The following ADAMTS3 variants were observed in gnomAD, a reference collection of about 807,000 sequenced individuals.
The protein encoded by ADAMTS3 is ADAM metallopeptidase with thrombospondin type 1 motif 3.
A neutral mutation model predicts 129.0 loss-of-function variants in ADAMTS3; 73 were observed. The observed-to-expected ratio is 0.57, with a 90% confidence interval of 0.47 to 0.69. The LOEUF is 0.69. Among genes scored for constraint, ADAMTS3 ranks in the 30% least tolerant of loss-of-function variants. The probability of loss-of-function intolerance (pLI) is 0.00; values close to 1 mark genes in which losing one functional copy is unlikely to be tolerated. For synonymous variants in ADAMTS3, 477 were observed against 510.8 expected, an observed-to-expected ratio of 0.93 and a Z score of 0.89; for missense variants, 1,457 against 1,514.5, an observed-to-expected ratio of 0.96 and a Z score of 0.63.
intron 14 of ADAMTS3, among the ~76,000 whole-genome samples, chr4:72,310,329 A>T (rs1241922654): frequency 6.6e-6 from 1 of 152,070 alleles, no homozygotes; most frequent in Non-Finnish European, 1.5e-5. Context: ...TAAAGACAAC[A>T]CATACGTTTA....
intron 5 of ADAMTS3, among the ~76,000 whole-genome samples, chr4:72,327,955 G>C (rs1417825872): frequency 6.6e-6 from 1 of 152,162 alleles, no homozygotes; most frequent in East Asian, 1.9e-4. Context: ...AGAGGAGCTA[G>C]AGAAGAAAAA....
chr4:72,551,459 C>T (rs1055758589), intron 2 of ADAMTS3, among the ~76,000 whole-genome samples: 8 of 152,124 alleles, frequency 5.3e-5, no homozygotes, highest in South Asian at 2.1e-4. Context: ...AATAATAAAT[C>T]ATTCCTAAAA....
chr4:72,336,224 A>C (rs1719984433), intron 5 of ADAMTS3, among the ~76,000 whole-genome samples: 1 of 152,194 alleles, frequency 6.6e-6, no homozygotes, highest in Non-Finnish European at 1.5e-5. Flanking sequence ...CACACTAATC[A>C]ATGCAAAAAG....
At chr4:72,287,509 G>A (rs1383553095) in intron 21 of ADAMTS3, among the ~76,000 whole-genome samples, 1 of 151,238 alleles carries the variant, frequency 6.6e-6, no homozygotes, top group African/African-American at 2.4e-5. Flanking sequence ...GGAAAGAGGG[G>A]AAAGAGAGAG....
At chr4:72,360,677 A>G (rs1490991895) in intron 4 of ADAMTS3, among the ~76,000 whole-genome samples, 1 of 152,014 alleles carries the variant, frequency 6.6e-6, no homozygotes, top group Non-Finnish European at 1.5e-5. Context: ...GCTTATTGGC[A>G]TTGACTTTCA....
intron 3 of ADAMTS3, among the ~76,000 whole-genome samples, chr4:72,499,165 A>T (rs1210576698): frequency 6.6e-6 from 1 of 152,186 alleles, no homozygotes; most frequent in East Asian, 1.9e-4. Flanking sequence ...GTCTGTAAAC[A>T]AATTCAGAAG....
intron 3 of ADAMTS3, among the ~76,000 whole-genome samples, chr4:72,535,691 C>T (rs1001491914): frequency 2.0e-5 from 3 of 151,972 alleles, no homozygotes; most frequent in African/African-American, 7.2e-5. Flanking sequence ...CACAGAGGGG[C>T]AGAAAACACC....
Position 72,550,037 on chromosome 4 carries a change from GAAGAA to G in ADAMTS3, c.98-1158_98-1154del, listed in dbSNP as rs1560564060. On this transcript the variant is annotated intron_variant, in intron 2 of 21. Coordinates refer to ENST00000286657, the MANE Select transcript of ADAMTS3 (RefSeq NM_014243.3). Reference sequence around the variant, plus strand: ...AGAAGAAGAAGAAGAAGAAGAAGAAGAAGAAGAGGAAGAGGAAGAGGAAGAGGAAG... The same window carrying G: ...AGAAGAAGAAGAAGAAGAAGAAGAAGGAGGAAGAGGAAGAGGAAGAGGAAG... Among the ~76,000 whole-genome samples the G allele has an allele frequency of 1.1e-3, 9 of 7,828 alleles. 1 individual carries two copies. The highest frequency in any genetic ancestry group is 4.1e-3 in the South Asian group (1 of 244). The allele number at this position is 7,828 out of a possible 152,430, so 5.1% of individuals were successfully genotyped here. A position where few individuals can be genotyped will look rare whatever the true frequency, so the allele number is the denominator to read the frequency against.
intron 4 of ADAMTS3, among the ~76,000 whole-genome samples, chr4:72,389,908 TTCTAATGATAAGGAGAGAGAG>T (rs1392684775): frequency 3.9e-5 from 3 of 76,716 alleles, no homozygotes; most frequent in East Asian, 3.0e-4. Context: ...ACTTATATTT[TTCTAATGATAAGGAGAGAGAG>T]AAGGAAAAGA....
At chr4:72,466,786 CTATA>C (rs914368086) in intron 3 of ADAMTS3, among the ~76,000 whole-genome samples, 1 of 151,938 alleles carries the variant, frequency 6.6e-6, no homozygotes, top group African/African-American at 2.4e-5. Flanking sequence ...TTCAACTGTA[CTATA>C]TATGAGATGA....
chr4:72,286,642 A>G (rs1305506672), intron 21 of ADAMTS3, among the ~76,000 whole-genome samples: 1 of 152,202 alleles, frequency 6.6e-6, no homozygotes, highest in African/African-American at 2.4e-5. Flanking sequence ...GGAAAAAGCA[A>G]CTTCTTTAGG....
At chr4:72,371,528 C>T (rs1184338502) in intron 4 of ADAMTS3, among the ~76,000 whole-genome samples, 1 of 151,380 alleles carries the variant, frequency 6.6e-6, no homozygotes, top group African/African-American at 2.4e-5. Context: ...AAGTGAGAAG[C>T]ATTACTAAAA....
intron 4 of ADAMTS3, among the ~76,000 whole-genome samples, chr4:72,401,565 T>TGA (rs1721919118): frequency 1.8e-4 from 1 of 5,470 alleles, no homozygotes; most frequent in Non-Finnish European, 3.5e-4. Context: ...ATACTCTGTC[T>TGA]CAAAAAAAAA....
intron 3 of ADAMTS3, among the ~76,000 whole-genome samples, chr4:72,511,617 G>T (rs1301327140): frequency 1.3e-5 from 2 of 152,222 alleles, no homozygotes; most frequent in East Asian, 3.9e-4. Flanking sequence ...AGTAACAAAT[G>T]CTAGTGAGGA....
chr4:72,379,201 C>G (rs1370167670), intron 4 of ADAMTS3, among the ~76,000 whole-genome samples: 2 of 151,978 alleles, frequency 1.3e-5, no homozygotes, highest in Non-Finnish European at 2.9e-5. Context: ...CTATTCAGGG[C>G]GTGTACACCT....
At chr4:72,437,616 T>C (rs1578679457) in intron 3 of ADAMTS3, among the ~76,000 whole-genome samples, 1 of 151,742 alleles carries the variant, frequency 6.6e-6, no homozygotes. Context: ...TCAACAATTT[T>C]CCCCAGTTCC....
At chr4:72,484,489 A>G (rs1439494908) in intron 3 of ADAMTS3, among the ~76,000 whole-genome samples, 1 of 152,230 alleles carries the variant, frequency 6.6e-6, no homozygotes, top group East Asian at 1.9e-4. Flanking sequence ...GAACCTCATT[A>G]AGGCACAAAT....
At chr4:72,460,572 A>T (rs1718739414) in intron 3 of ADAMTS3, among the ~76,000 whole-genome samples, 1 of 151,420 alleles carries the variant, frequency 6.6e-6, no homozygotes. Context: ...AAATATATTA[A>T]TAAAAGTCAT....
chr4:72,370,247 G>T (rs916219404), intron 4 of ADAMTS3, among the ~76,000 whole-genome samples: 3 of 152,116 alleles, frequency 2.0e-5, no homozygotes, highest in Non-Finnish European at 4.4e-5. Flanking sequence ...ACCAGTGGCC[G>T]ACTCTGGTGC....
Sources: allele counts gnomAD v4.1 joint callset (sites outside exome capture counted in the v4.1 genomes callset), GRCh38; gene constraint gnomAD v4.1.1; transcripts MANE v1.5; gene names NCBI Gene and HGNC (gene_info 2026-07-23, HGNC 2026-07-21).